Variants in KLRG2 observed in about 807,000 individuals in gnomAD.
KLRG2 encodes killer cell lectin-like receptor subfamily G member 2.
KLRG2 carries 39 observed loss-of-function variants against 35.4 expected under a neutral mutation model. The ratio of observed to expected loss-of-function variants is 1.10; its 90% CI spans 0.85 to 1.44. The LOEUF is 1.44. Among genes scored for constraint, KLRG2 ranks in the 40% most tolerant of loss-of-function variants. The pLI, the probability that KLRG2 is intolerant of heterozygous loss-of-function variation, is 0.00. For synonymous variants in KLRG2, 283 were observed against 265.8 expected, an observed-to-expected ratio of 1.06 and a Z score of -0.63; for missense variants, 632 against 570.9, an observed-to-expected ratio of 1.11 and a Z score of -1.09.
chr7:139,449,311 G>A (rs1464896209), downstream of KLRG2, among the ~76,000 whole-genome samples: 1 of 151,752 alleles, frequency 6.6e-6, no homozygotes, highest in East Asian at 1.9e-4. Flanking sequence ...TGAGGCAGGC[G>A]AATCACTGGA....
intron 3 of KLRG2, among the ~76,000 whole-genome samples, chr7:139,472,404 T>C (rs1000200882): frequency 4.0e-5 from 6 of 151,438 alleles, no homozygotes; most frequent in Non-Finnish European, 8.8e-5. Flanking sequence ...AACTCTTAAA[T>C]AAAAATAGAA....
At chr7:139,472,821 T>C (rs1313448884) in intron 3 of KLRG2, among the ~76,000 whole-genome samples, 4 of 152,042 alleles carry the variant, frequency 2.6e-5, no homozygotes, top group Admixed American at 1.3e-4. Flanking sequence ...AAAGGACCGG[T>C]TGAAAGTCTG....
At chr7:139,461,995 C>G (rs1405659295) in intron 3 of KLRG2, among the ~76,000 whole-genome samples, 1 of 152,134 alleles carries the variant, frequency 6.6e-6, no homozygotes, top group Non-Finnish European at 1.5e-5. Context: ...ATTGGATAAG[C>G]GGCCTCTTTT....
chr7:139,430,383 CAA>C, the KLRG2 span, among the ~76,000 whole-genome samples: 1 of 147,750 alleles, frequency 6.8e-6, no homozygotes, highest in Non-Finnish European at 1.5e-5. Context: ...GCCTGGGCAA[CAA>C]GAGCGAAACT....
intron 3 of KLRG2, among the ~76,000 whole-genome samples, chr7:139,478,441 G>A (rs571205424): frequency 2.7e-5 from 4 of 150,662 alleles, no homozygotes; most frequent in Admixed American, 1.3e-4. Context: ...AGGCCGAGGC[G>A]GGCGGATTAC....
At chr7:139,438,729 G>A in the KLRG2 span, among the ~76,000 whole-genome samples, 1 of 150,272 alleles carries the variant, frequency 6.7e-6, no homozygotes, top group Non-Finnish European at 1.5e-5. Context: ...AGGCTGGAGT[G>A]CAATGGCGTG....
At chr7:139,464,294 C>T (rs1358729521) in intron 3 of KLRG2, among the ~76,000 whole-genome samples, 2 of 152,158 alleles carry the variant, frequency 1.3e-5, no homozygotes, top group South Asian at 2.1e-4. Flanking sequence ...TCACACAGCA[C>T]GCTTTAGAAG....
At chr7:139,479,853 G>A in intron 2 of KLRG2, 81 bp from the exon 3 acceptor site, 1 of 1,488,630 alleles carries the variant, frequency 6.7e-7, no homozygotes. Flanking sequence ...TCAAATGAAG[G>A]GGCATGGAAC....
chr7:139,482,556 C>A (rs1796978851), intron 1 of KLRG2, among the ~76,000 whole-genome samples: 1 of 152,138 alleles, frequency 6.6e-6, no homozygotes, highest in South Asian at 2.1e-4. Context: ...CCATGCCAGG[C>A]TAATTTTTGT....
chr7:139,439,464 C>T, the KLRG2 span, among the ~76,000 whole-genome samples: 28 of 152,098 alleles, frequency 1.8e-4, no homozygotes, highest in Non-Finnish European at 3.4e-4. Context: ...CAGTTAGAGG[C>T]GAGGTTTGAA....
chr7:139,478,377 A>G (rs1796892666), intron 3 of KLRG2, among the ~76,000 whole-genome samples: 1 of 149,562 alleles, frequency 6.7e-6, no homozygotes, highest in Non-Finnish European at 1.5e-5. Flanking sequence ...AAAAAAAAAA[A>G]AAAAGGACAA....
chr7:139,467,934 C>T (rs1018530200), intron 3 of KLRG2, among the ~76,000 whole-genome samples: 1 of 152,172 alleles, frequency 6.6e-6, no homozygotes, highest in African/African-American at 2.4e-5. Context: ...TGGAATGTCT[C>T]GGTATAAAAC....
chr7:139,455,237 T>C (rs560525147), intron 3 of KLRG2, among the ~76,000 whole-genome samples: 21 of 152,066 alleles, frequency 1.4e-4, no homozygotes, highest in Non-Finnish European at 2.4e-4. Context: ...TAGGCTGGTC[T>C]TGAGCTCCTG....
chr7:139,428,567 T>A, the KLRG2 span, among the ~76,000 whole-genome samples: 1 of 152,180 alleles, frequency 6.6e-6, no homozygotes, highest in Non-Finnish European at 1.5e-5. Context: ...CCAGTTACAT[T>A]TTTTGATTTC....
At chr7:139,438,066 T>C in the KLRG2 span, among the ~76,000 whole-genome samples, 1 of 152,222 alleles carries the variant, frequency 6.6e-6, no homozygotes, top group East Asian at 1.9e-4. Flanking sequence ...CATAAGACTA[T>C]GTCTGCCTAT....
the KLRG2 span, among the ~76,000 whole-genome samples, chr7:139,443,112 T>TTTTTG: frequency 6.7e-6 from 1 of 150,088 alleles, no homozygotes; most frequent in Non-Finnish European, 1.5e-5. Context: ...TTTTTTTTTT[T>TTTTTG]GAGATGGAGT....
chr7:139,439,548 G>A, the KLRG2 span, among the ~76,000 whole-genome samples: 1 of 152,184 alleles, frequency 6.6e-6, no homozygotes, highest in Non-Finnish European at 1.5e-5. Context: ...CAGAGCAGCC[G>A]ACACTCATGA....
At chr7:139,458,792 T>C (rs1411165341) in intron 3 of KLRG2, among the ~76,000 whole-genome samples, 1 of 152,208 alleles carries the variant, frequency 6.6e-6, no homozygotes, top group Admixed American at 6.5e-5. Context: ...GGTGAGCACT[T>C]ACAACTTCCT....
chr7:139,476,377 G>A (rs1796850207), intron 3 of KLRG2, among the ~76,000 whole-genome samples: 2 of 152,140 alleles, frequency 1.3e-5, no homozygotes, highest in Non-Finnish European at 2.9e-5. Context: ...GGCCTGGTGA[G>A]CAACAGGTCC....
Sources: gnomAD v4.1 joint callset for allele counts (sites outside exome capture counted in the v4.1 genomes callset) on GRCh38, gnomAD v4.1.1 for gene constraint, MANE v1.5 for transcripts, NCBI Gene and HGNC (gene_info 2026-07-23, HGNC 2026-07-21) for gene names.